HPSE2: variants seen among roughly 807,000 people sequenced by gnomAD.
The protein encoded by HPSE2 is inactive heparanase-2.
A neutral mutation model predicts 60.5 loss-of-function variants in HPSE2; 38 were observed. The observed-to-expected ratio is 0.63, with a 90% confidence interval of 0.48 to 0.82. The LOEUF (loss-of-function observed/expected upper bound fraction) is 0.82, where lower values mean the gene tolerates loss of function less well. Ranked by LOEUF, HPSE2 falls within the 40% of genes least tolerant of loss-of-function variation. The probability of loss-of-function intolerance (pLI) is 0.00; values close to 1 mark genes in which losing one functional copy is unlikely to be tolerated. For missense variants in HPSE2, 713 were observed against 740.4 expected (o/e 0.96, Z 0.43); for synonymous variants, 295 against 293.2 (o/e 1.01, Z -0.06).
At chr10:98,560,769 G>C (rs568666309) in intron 9 of HPSE2, among the ~76,000 whole-genome samples, 7 of 152,156 alleles carry the variant, frequency 4.6e-5, no homozygotes, top group Admixed American at 6.5e-5. Flanking sequence ...CTGAAAAATT[G>C]CTATTGCCTA....
chr10:98,919,794 T>C (rs955225686), intron 3 of HPSE2, among the ~76,000 whole-genome samples: 1 of 152,152 alleles, frequency 6.6e-6, no homozygotes, highest in Non-Finnish European at 1.5e-5. Context: ...GGATATGGTG[T>C]CTGGAAAAGA....
At chr10:99,293,649 G>A in the HPSE2 span, among the ~76,000 whole-genome samples, 3 of 152,094 alleles carry the variant, frequency 2.0e-5, no homozygotes, top group Non-Finnish European at 2.9e-5. Flanking sequence ...ACAGACACTG[G>A]CGAAGCTTTT....
chr10:99,103,630 CTACTT>C (rs1391147423), intron 3 of HPSE2, among the ~76,000 whole-genome samples: 3 of 152,184 alleles, frequency 2.0e-5, no homozygotes, highest in African/African-American at 7.2e-5. Context: ...TTGGAAAAAA[CTACTT>C]TAAAGTTCAT....
chr10:98,590,582 G>A (rs1471532308), intron 9 of HPSE2, among the ~76,000 whole-genome samples: 8 of 152,150 alleles, frequency 5.3e-5, no homozygotes, highest in Non-Finnish European at 7.3e-5. Flanking sequence ...GCCATGATGC[G>A]CTTATCTGTT....
At chr10:99,295,292 A>G in the HPSE2 span, among the ~76,000 whole-genome samples, 53 of 152,190 alleles carry the variant, frequency 3.5e-4, no homozygotes, top group African/African-American at 1.3e-3. Context: ...AGGTGGTAGA[A>G]CCAGGAAATA....
intron 9 of HPSE2, among the ~76,000 whole-genome samples, chr10:98,524,105 C>G (rs1942884160): frequency 6.6e-6 from 1 of 152,220 alleles, no homozygotes; most frequent in Non-Finnish European, 1.5e-5. Flanking sequence ...GCACAAGGCC[C>G]CATGCTCCAA....
chr10:98,927,404 C>T (rs1292435036), intron 3 of HPSE2, among the ~76,000 whole-genome samples: 1 of 151,322 alleles, frequency 6.6e-6, no homozygotes, highest in Non-Finnish European at 1.5e-5. Context: ...TGAAAATGGC[C>T]ATACTGCCCA....
At chr10:98,494,340 T>C (rs1941760473) in intron 9 of HPSE2, among the ~76,000 whole-genome samples, 1 of 152,148 alleles carries the variant, frequency 6.6e-6, no homozygotes, top group Admixed American at 6.5e-5. Context: ...GCTAGCAACT[T>C]AGAACTGTTT....
chr10:99,180,717 T>C, intron 2 of HPSE2, among the ~76,000 whole-genome samples: 1 of 151,630 alleles, frequency 6.6e-6, no homozygotes, highest in Non-Finnish European at 1.5e-5. Flanking sequence ...AAATCCCGTC[T>C]CTACTAAAAT....
chr10:99,075,265 T>A (rs1375106442), intron 3 of HPSE2, among the ~76,000 whole-genome samples: 3 of 152,164 alleles, frequency 2.0e-5, no homozygotes, highest in Admixed American at 2.0e-4. Context: ...CTAATTTCCC[T>A]TATGATTTCT....
At chr10:98,764,390 A>C (rs2134397599) in intron 3 of HPSE2, among the ~76,000 whole-genome samples, 1 of 152,292 alleles carries the variant, frequency 6.6e-6, no homozygotes, top group Admixed American at 6.5e-5. Flanking sequence ...TAAAAGACAA[A>C]AAGAAAGCAA....
At chr10:98,555,406 A>G (rs1397615941) in intron 9 of HPSE2, among the ~76,000 whole-genome samples, 1 of 151,720 alleles carries the variant, frequency 6.6e-6, no homozygotes, top group Non-Finnish European at 1.5e-5. Context: ...GCCTGCCCGG[A>G]TCTCCCCTCT....
At chr10:99,081,562 GC>G (rs1393671127) in intron 3 of HPSE2, among the ~76,000 whole-genome samples, 1 of 149,918 alleles carries the variant, frequency 6.7e-6, no homozygotes, top group Non-Finnish European at 1.5e-5. Flanking sequence ...CTACTAGAGT[GC>G]TATTCTACTA....
chr10:98,673,914 G>C (rs1428529879), intron 6 of HPSE2, among the ~76,000 whole-genome samples: 1 of 152,162 alleles, frequency 6.6e-6, no homozygotes, highest in East Asian at 1.9e-4. Context: ...AATGATATTT[G>C]TCTTGCTAGA....
In HPSE2 at chr10:99,211,111, C is replaced by T. The variant is rs1848939057; in HGVS notation, c.448+21237G>A. On this transcript the variant is annotated intron_variant, in intron 2 of 11. Coordinates refer to ENST00000370552, the MANE Select transcript of HPSE2 (RefSeq NM_021828.5). ...TACAAAACTCACAAGCATTTTTGTA[C>T]ACTAACAATGAACTATCCAAAAAAA... 1.3e-5 allele frequency among the ~76,000 whole-genome samples: 2 copies of T among 151,648 alleles called. 1 individual carries two copies. The highest frequency in any genetic ancestry group is 4.2e-4 in the South Asian group (2 of 4,816).
the HPSE2 span, among the ~76,000 whole-genome samples, chr10:99,285,654 T>C: frequency 6.6e-6 from 1 of 151,858 alleles, no homozygotes; most frequent in South Asian, 2.1e-4. Flanking sequence ...AGGCTGGGTG[T>C]GCAGTGGCTC....
chr10:99,217,577 TTTG>T (rs34484473), intron 2 of HPSE2, among the ~76,000 whole-genome samples: 11 of 151,488 alleles, frequency 7.3e-5, no homozygotes, highest in African/African-American at 1.9e-4. Flanking sequence ...ACCCAGTTTT[TTTG>T]TTGTTGTTGT....
chr10:98,544,712 CAAAAAAAAAAAAAAAAA>C (rs58604325), intron 9 of HPSE2, among the ~76,000 whole-genome samples: 1 of 71,046 alleles, frequency 1.4e-5, no homozygotes, highest in African/African-American at 6.0e-5. Context: ...GACTCCGTCT[CAAAAAAAAAAAAAAAAA>C]AAAAAAAAAA....
intron 3 of HPSE2, among the ~76,000 whole-genome samples, chr10:98,873,354 C>T (rs2134840996): frequency 6.6e-6 from 1 of 152,024 alleles, no homozygotes; most frequent in Non-Finnish European, 1.5e-5. Flanking sequence ...AGTTGCCTTC[C>T]CTCACCCTCC....
Sources: allele counts gnomAD v4.1 joint callset (sites outside exome capture counted in the v4.1 genomes callset), GRCh38; gene constraint gnomAD v4.1.1; transcripts MANE v1.5; gene names NCBI Gene and HGNC (gene_info 2026-07-23, HGNC 2026-07-21).